B4GALT3: variants seen among roughly 807,000 people sequenced by gnomAD.
B4GALT3 encodes the protein N-acetyllactosamine synthase.
In B4GALT3, 29 loss-of-function variants were observed where a neutral mutation model predicts 40.7. The observed-to-expected ratio is 0.71, with a 90% CI of 0.53 to 0.97. The LOEUF (loss-of-function observed/expected upper bound fraction) is 0.97, where lower values mean the gene tolerates loss of function less well. Ranked by LOEUF, B4GALT3 falls within the 50% of genes least tolerant of loss-of-function variation. The pLI is 0.00. For missense variants in B4GALT3, 390 were observed against 522.3 expected, an observed-to-expected ratio of 0.75 and a Z score of 2.47; for synonymous variants, 182 against 203.9, an observed-to-expected ratio of 0.89 and a Z score of 0.92.
In B4GALT3 at chr1:161,175,200, T is replaced by A. The variant is rs1485326642; in HGVS notation, c.282A>T (p.Pro94=). The part of the protein sequence containing the change: ...LVGPVSVSFS[P]VPSLAEIVER... ...CCACAATCTCTGCCAGTGATGGCAC[T>A]GGGCTAAAGGACACCGACACAGGAC... The change falls in exon 4 of 8, where the codon CCA becomes CCT. Residue 94 remains proline, a synonymous_variant. Coordinates refer to ENST00000319769, the MANE Select transcript of B4GALT3 (RefSeq NM_003779.4). The A allele has an allele frequency of 6.2e-7, 1 of 1,613,708 alleles. No individual in the cohort carries two copies. Among genetic ancestry groups the A allele is most frequent in the South Asian group, 1.1e-5 (1 of 91,042 alleles).
chr1:161,174,604 C>G (rs1261478930), intron 4 of B4GALT3, among the ~76,000 whole-genome samples: 1 of 152,144 alleles, frequency 6.6e-6, no homozygotes, highest in Admixed American at 6.5e-5. Context: ...TGGCAACCAA[C>G]AATGGTGTGG....
rs1244115634 is a variant in B4GALT3, at chr1:161,175,932, T to G, written c.129A>C (p.Gly43=). The G allele has an allele frequency of 1.2e-6, 2 of 1,614,042 alleles. No individual in the cohort carries two copies. Among genetic ancestry groups the G allele is most frequent in the African/African-American group, 1.3e-5 (1 of 74,986 alleles). ...GAGGGTGAGAATAGTCAAATGTCGG[T>G]CCCTGATCTCGGCCAAATAGGGCAC... ...SLSALFGRDQ[G]PTFDYSHPRD... Residue 43 remains glycine, a synonymous_variant, in exon 3 of 8, where the codon GGA becomes GGC. Coordinates refer to ENST00000319769, the MANE Select transcript of B4GALT3 (RefSeq NM_003779.4).
Position 161,176,050 on chromosome 1 carries a change from C to A in B4GALT3, c.11G>T (p.Arg4Met). Residue 4 changes from arginine to methionine, a missense_variant, in exon 3 of 8, where the codon AGG becomes ATG. This residue lies in a region of B4GALT3 where 183 missense variants were observed against 223.2 expected (regional missense o/e 0.82). Coordinates refer to ENST00000319769, the MANE Select transcript of B4GALT3 (RefSeq NM_003779.4). ...CAGCGTGCAAGGCCGCTCCAGCAGC[C>A]TCCGCAACATCCTGGGGGTGAGATC... MLR[R>M]LLERPCTLAL... The A allele has an allele frequency of 6.2e-7, 1 of 1,614,046 alleles. No individual in the cohort carries two copies. Among genetic ancestry groups the A allele is most frequent in the Non-Finnish European group, 8.5e-7 (1 of 1,179,990 alleles).
At chr1:161,172,532 G>C (rs1661827291) in intron 6 of B4GALT3, 1 of 575,614 alleles carries the variant, frequency 1.7e-6, no homozygotes, top group Non-Finnish European at 3.0e-6. Flanking sequence ...TCAGGGCCCA[G>C]TGCCAGTCAC....
chr1:161,176,757 G>A (rs1377478378), intron 1 of B4GALT3, 178 bp from the exon 2 acceptor site: 7 of 1,036,482 alleles, frequency 6.8e-6, no homozygotes, highest in South Asian at 5.8e-5. Context: ...TAAGTGTCAG[G>A]TTCATACTTA....
rs147487659 is a variant in B4GALT3 at position 161,174,143 on chromosome 1, T to C, written c.490-94A>G. On this transcript the variant is annotated intron_variant, in intron 4 of 7. Coordinates refer to ENST00000319769, the MANE Select transcript of B4GALT3 (RefSeq NM_003779.4). Reference sequence around the variant, plus strand: ...AAAGTGAAGGCCGGGCGCGGTGGCTTACGCCTGTAATCCCAGTACTTTGGG... The same window carrying C: ...AAAGTGAAGGCCGGGCGCGGTGGCTCACGCCTGTAATCCCAGTACTTTGGG... 5,353 of 1,360,864 alleles carry C rather than the reference T, an allele frequency of 3.9e-3. 38 individuals are homozygous for C. The highest frequency in any genetic ancestry group is 0.026 in the East Asian group (1,128 of 42,670). The allele number at this position is 1,360,864 out of a possible 1,614,324, so 84.3% of individuals were successfully genotyped here.
intron 4 of B4GALT3, among the ~76,000 whole-genome samples, chr1:161,174,332 C>A (rs1479046172): frequency 1.3e-5 from 2 of 150,042 alleles, no homozygotes; most frequent in Non-Finnish European, 1.5e-5. Context: ...GCGTAAAACC[C>A]GGGAGGTGGA....
chr1:161,177,390 G>C (rs1664024008), intron 1 of B4GALT3, 33 bp downstream of exon 1: 2 of 290,156 alleles, frequency 6.9e-6, no homozygotes, highest in Non-Finnish European at 6.7e-6. Flanking sequence ...TTTATCCCAG[G>C]CCTCCGTGTC....
In B4GALT3 at chr1:161,172,069, G is replaced by A; in HGVS notation, c.929C>T (p.Thr310Ile). ...CCCATCTTGCGTCCAGGAATTCTGG[G>A]TACGGACCAGGAGGTCAAATCTGAG... ...NPHRFDLLVR[T>I]QNSWTQDGMN... The change falls in exon 8 of 8, where the codon ACC becomes ATC. Residue 310 changes from threonine to isoleucine, a missense_variant. Coordinates refer to ENST00000319769, the MANE Select transcript of B4GALT3 (RefSeq NM_003779.4). 1 of 1,614,190 alleles carries A rather than the reference G, an allele frequency of 6.2e-7. No individual in the cohort carries two copies. The highest frequency in any genetic ancestry group is 1.3e-5 in the African/African-American group (1 of 75,046).
intron 4 of B4GALT3, 92 bp downstream of exon 4, chr1:161,174,901 T>G: frequency 7.3e-7 from 1 of 1,363,794 alleles, no homozygotes; most frequent in Non-Finnish European, 1.0e-6. Context: ...TTAAAATTAT[T>G]CTAGGGACCC....
In B4GALT3 at chr1:161,177,088, G is replaced by T. The variant is rs963012223; in HGVS notation, c.-161+335C>A. ...CTACCTTTCCCCTCTTCTAGCGGGG[G>T]TGGGGAGGAGGGTTACTGCTGAAGA... On this transcript the variant is annotated intron_variant, in intron 1 of 7. Transcript: ENST00000319769. 2.6e-6 allele frequency: 4 copies of T among 1,529,976 alleles called. No homozygotes were observed. The African/African-American group carries it at 4.1e-5, about 16-fold the overall frequency. The allele number at this position is 1,529,976 out of a possible 1,614,324, so 94.8% of individuals were successfully genotyped here.
chr1:161,177,149 G>A (rs1435394315), intron 1 of B4GALT3: 7 of 1,424,586 alleles, frequency 4.9e-6, no homozygotes, highest in Non-Finnish European at 2.8e-6. Flanking sequence ...GAGACAGTCA[G>A]GGGTGGCTGG....
intron 1 of B4GALT3, chr1:161,176,820 C>T (rs1184272643): frequency 1.5e-5 from 23 of 1,525,710 alleles, no homozygotes; most frequent in African/African-American, 2.7e-5. Flanking sequence ...GGGGACAGGA[C>T]AGCTAATGGA....
At chr1:161,177,907 G>T (rs1046086284), upstream of B4GALT3, 2 of 152,142 alleles carry the variant, frequency 1.3e-5, no homozygotes, top group Non-Finnish European at 2.9e-5. Flanking sequence ...TGTTCCTTAC[G>T]CAGGCTACAG....
At position 161,171,815 on chromosome 1, in the gene B4GALT3, G is replaced by A. The variant is rs763965479; in HGVS notation, c.*1C>T. The A allele has an allele frequency of 9.9e-6, 16 of 1,613,826 alleles. No individual in the cohort carries two copies. Among genetic ancestry groups the A allele is most frequent in the Non-Finnish European group, 1.3e-5 (15 of 1,179,972 alleles). The stretch of plus-strand genomic sequence containing the variant: ...TGATTAAGGTAGACAGGAAGGAGGA[G>A]TCAGTGTGAACCTCGGAGGGCTGTG... On this transcript the variant is annotated 3_prime_UTR_variant, in exon 8 of 8. Transcript: ENST00000319769.
chr1:161,172,252 T>C lies in B4GALT3; in HGVS notation c.883A>G (p.Lys295Glu), dbSNP rs781133882. 2 of 1,614,152 alleles carry C rather than the reference T, an allele frequency of 1.2e-6. No individual in the cohort carries two copies. Among genetic ancestry groups the C allele is most frequent in the Non-Finnish European group, 1.7e-6 (2 of 1,180,024 alleles). The change falls in exon 7 of 8, where the codon AAG becomes GAG. Residue 295 changes from lysine to glutamate, a missense_variant. This residue lies in a region of B4GALT3 where 135 missense variants were observed against 227.8 expected (regional missense o/e 0.59). Transcript: ENST00000319769. ...CTGTGGGGATTTTCCTCATTGCCCT[T>C]ATCTCCTCGGTGCTTCACCATCTTA... is the stretch of plus-strand genomic sequence containing the variant. Reference protein sequence around the residue: ...HYKMVKHRGDKGNEENPHRFD... With the variant: ...HYKMVKHRGDEGNEENPHRFD...
Position 161,171,760 on chromosome 1 carries a change from G to T in B4GALT3, c.*56C>A. The T allele has an allele frequency of 6.3e-7, 1 of 1,591,812 alleles. No homozygotes were observed. On this transcript the variant is annotated 3_prime_UTR_variant, in exon 8 of 8. Coordinates refer to ENST00000319769, the MANE Select transcript of B4GALT3 (RefSeq NM_003779.4). ...GAGAACAGTGAGGAGCTGAGGGTGGGGAGAATACAACCCCATGAATTCGGT... is the reference window on the plus strand; with the variant it reads ...GAGAACAGTGAGGAGCTGAGGGTGGTGAGAATACAACCCCATGAATTCGGT...
rs1661625176 is a variant in B4GALT3, at chr1:161,172,012, C to T, written c.986G>A (p.Arg329Gln). The T allele has an allele frequency of 6.8e-6, 11 of 1,614,148 alleles. No individual in the cohort carries two copies. The highest frequency in any genetic ancestry group is 9.3e-6 in the Non-Finnish European group (11 of 1,180,024). ...MNSLTYQLLA[R>Q]ELGPLYTNIT... ...GTTGGTATAAAGAGGCCCCAGCTCT[C>T]GAGCCAGCAACTGGTATGTCAGTGA... is the stretch of plus-strand genomic sequence containing the variant. The change falls in exon 8 of 8, where the codon CGA (arginine) becomes CAA (glutamine). Residue 329 changes from arginine to glutamine, a missense_variant. Transcript: ENST00000319769.
At chr1:161,174,861 G>T in intron 4 of B4GALT3, 132 bp downstream of exon 4, 2 of 915,752 alleles carry the variant, frequency 2.2e-6, no homozygotes, top group Non-Finnish European at 3.4e-6. Context: ...AGTGCCGGGT[G>T]CTTCTCCACA....
Sources: gnomAD v4.1 joint callset for allele counts (sites outside exome capture counted in the v4.1 genomes callset) on GRCh38, gnomAD v4.1.1 for gene constraint, gnomAD v4.1.1 regional missense constraint, MANE v1.5 for transcripts, NCBI Gene and HGNC (gene_info 2026-07-23, HGNC 2026-07-21) for gene names.